The following FGD5 variants were observed in gnomAD, a reference collection of about 807,000 sequenced individuals.
FGD5 encodes the protein FYVE, RhoGEF and PH domain-containing protein 5.
A neutral mutation model predicts 133.4 loss-of-function variants in FGD5; 28 were observed. The observed-to-expected ratio is 0.21, with a 90% CI of 0.16 to 0.29. FGD5 has a LOEUF of 0.29. Ranked by LOEUF, FGD5 falls within the 10% of genes least tolerant of loss-of-function variation. The pLI, the probability that FGD5 is intolerant of heterozygous loss-of-function variation, is 1.00. For missense variants in FGD5, 1,858 were observed against 1,895.2 expected (o/e 0.98, Z 0.36); for synonymous variants, 810 against 776.5 (o/e 1.04, Z -0.72).
In FGD5 at chr3:14,924,040, T is replaced by A. The variant is rs577758400; in HGVS notation, c.3970T>A (p.Ser1324Thr). The change falls in exon 17 of 20, where the codon TCA becomes ACA. Residue 1324 changes from serine (S) to threonine (T), a missense_variant. Ser to Thr is a moderately conservative substitution (Grantham distance 58). This residue lies in a region of FGD5 where 1,824 missense variants were observed against 1,848.9 expected (regional missense o/e 0.99). Coordinates refer to ENST00000285046, the MANE Select transcript of FGD5 (RefSeq NM_152536.4). ...RPVSMSFPLS[S>T]PRFSGSAFSS... ...TGTGAGCATGAGCTTCCCGCTGTCTTCACCCCGCTTCTCGGGCAGTGCCTT... is the reference window on the plus strand; with the variant it reads ...TGTGAGCATGAGCTTCCCGCTGTCTACACCCCGCTTCTCGGGCAGTGCCTT... 1.2e-6 allele frequency: 2 copies of A among 1,613,980 alleles called. No homozygotes were observed. Among genetic ancestry groups the A allele is most frequent in the South Asian group, 2.2e-5 (2 of 91,082 alleles).
chr3:14,864,060 C>A, intron 1 of FGD5, 68 bp from the exon 2 acceptor site: 1 of 1,573,816 alleles, frequency 6.4e-7, no homozygotes, highest in South Asian at 1.1e-5. Context: ...GAATGGGACC[C>A]CTGGTAGGTT....
At chr3:14,865,871 G>A (rs940892035) in intron 2 of FGD5, among the ~76,000 whole-genome samples, 2 of 152,190 alleles carry the variant, frequency 1.3e-5, no homozygotes, top group East Asian at 1.9e-4. Flanking sequence ...TTGTCTCCTT[G>A]TGGAGAAGGG....
Position 14,820,824 on chromosome 3 carries a change from C to T in FGD5, c.1753C>T (p.Leu585=), listed in dbSNP as rs756671890. ...AAAGAGGAAAGAGGACAATCTCTCTCTGTCGTGTGTAATTGGCTCCTCTGG... is the reference window on the plus strand; with the variant it reads ...AAAGAGGAAAGAGGACAATCTCTCTTTGTCGTGTGTAATTGGCTCCTCTGG... ...RIKRKEDNLS[L]SCVIGSSGSF... is the part of the protein sequence containing the mutation. The change falls in exon 1 of 20, where the codon CTG becomes TTG. Residue 585 remains leucine (L), a synonymous_variant. Transcript: ENST00000285046. The T allele has an allele frequency of 4.3e-6, 7 of 1,613,894 alleles. No individual in the cohort carries two copies. Among genetic ancestry groups the T allele is most frequent in the Non-Finnish European group, 5.9e-6 (7 of 1,179,876 alleles).
chr3:14,856,077 A>G (rs183347376), intron 1 of FGD5, among the ~76,000 whole-genome samples: 1 of 152,216 alleles, frequency 6.6e-6, no homozygotes, highest in Admixed American at 6.5e-5. Flanking sequence ...GTAAGGATCT[A>G]GTTTCATTCC....
intron 18 of FGD5, chr3:14,930,834 T>C (rs1299402352): frequency 6.6e-6 from 1 of 152,194 alleles, no homozygotes; most frequent in Non-Finnish European, 1.5e-5. Context: ...TCTATTAATA[T>C]ATTTCTAAAT....
chr3:14,836,474 C>T (rs2125081549), intron 1 of FGD5, among the ~76,000 whole-genome samples: 1 of 152,358 alleles, frequency 6.6e-6, no homozygotes, highest in Non-Finnish European at 1.5e-5. Flanking sequence ...GGTCTCCAGA[C>T]TCCAGGAGGC....
chr3:14,857,941 A>T (rs1044987799), intron 1 of FGD5, among the ~76,000 whole-genome samples: 16 of 152,154 alleles, frequency 1.1e-4, no homozygotes, highest in South Asian at 2.1e-4. Flanking sequence ...GGAAAAAAAA[A>T]AAAGCTGAGA....
intron 1 of FGD5, among the ~76,000 whole-genome samples, chr3:14,833,248 G>A (rs1034293067): frequency 7.9e-5 from 12 of 152,064 alleles, no homozygotes; most frequent in Middle Eastern, 3.2e-3. Flanking sequence ...GTTGTTTTTC[G>A]GGATGATGTG....
At chr3:14,876,385 A>G (rs1041130334) in intron 2 of FGD5, among the ~76,000 whole-genome samples, 1 of 152,208 alleles carries the variant, frequency 6.6e-6, no homozygotes, top group Non-Finnish European at 1.5e-5. Context: ...GCCCCAAAGA[A>G]TTTTTGTTTC....
chr3:14,923,975 A>G (rs776789943), intron 16 of FGD5, 33 bp from the exon 17 acceptor site: 3 of 1,613,014 alleles, frequency 1.9e-6, no homozygotes, highest in Non-Finnish European at 2.5e-6. Flanking sequence ...CACGCCTCTC[A>G]CCTCCCTTCC....
intron 2 of FGD5, among the ~76,000 whole-genome samples, chr3:14,879,801 T>C (rs1170393160): frequency 6.6e-6 from 1 of 152,082 alleles, no homozygotes; most frequent in African/African-American, 2.4e-5. Flanking sequence ...CTGCCGTGGC[T>C]AAGTCTTATA....
At chr3:14,920,010 C>T (rs2038643594) in intron 13 of FGD5, among the ~76,000 whole-genome samples, 2 of 152,088 alleles carry the variant, frequency 1.3e-5, no homozygotes, top group Non-Finnish European at 2.9e-5. Flanking sequence ...GAAAGGTCTG[C>T]ATTTTCTCCA....
chr3:14,859,494 G>A (rs908327341), intron 1 of FGD5, among the ~76,000 whole-genome samples: 8 of 151,990 alleles, frequency 5.3e-5, no homozygotes, highest in Non-Finnish European at 7.4e-5. Flanking sequence ...GAAAGCAGAG[G>A]TTGCACTTAG....
intron 1 of FGD5, among the ~76,000 whole-genome samples, chr3:14,839,747 A>G (rs1189509133): frequency 6.6e-6 from 1 of 152,178 alleles, no homozygotes; most frequent in Non-Finnish European, 1.5e-5. Flanking sequence ...CCTGGCTAAC[A>G]TGGTGAAACC....
rs1368901720 is a variant in FGD5 at position 14,882,043 on chromosome 3, G to A, written c.2748+1271G>A. Among the ~76,000 whole-genome samples the A allele has an allele frequency of 2.0e-5, 3 of 152,308 alleles. No homozygotes were observed. In the East Asian group the frequency reaches 5.8e-4, roughly 29 times the overall value. On this transcript the variant is annotated intron_variant, in intron 4 of 19. Transcript: ENST00000285046. ...GGCGGATAGAGCACTACTCTGGTCT[G>A]GTGCTCTCGGCCCCTCATTTTTGTG...
At position 14,820,346 on chromosome 3, in the gene FGD5, A is replaced by G. The variant is rs755972584; in HGVS notation, c.1275A>G (p.Ala425=). Residue 425 remains alanine (A), a synonymous_variant, in exon 1 of 20, where the codon GCA becomes GCG. Transcript: ENST00000285046. ...TGGAGGAGGAGGCCTTGGATGATGC[A>G]CTGGCCAACCCCTATGTGATGGGAG... The part of the protein sequence containing the change: ...VVLEEEALDD[A]LANPYVMGVG... The G allele has an allele frequency of 1.4e-5, 22 of 1,612,746 alleles. No individual in the cohort carries two copies. In the South Asian group the frequency reaches 2.4e-4, roughly 18 times the overall value.
At chr3:14,904,172 G>A (rs1396966439) in intron 9 of FGD5, among the ~76,000 whole-genome samples, 1 of 152,182 alleles carries the variant, frequency 6.6e-6, no homozygotes, top group Non-Finnish European at 1.5e-5. Context: ...AAGCTGCTCT[G>A]TCTCACCCCT....
chr3:14,904,899 T>C (rs2038309280), intron 9 of FGD5, among the ~76,000 whole-genome samples: 1 of 152,202 alleles, frequency 6.6e-6, no homozygotes. Context: ...AGCAGTCCTC[T>C]TGCCTCAGCC....
intron 4 of FGD5, 86 bp from the exon 5 acceptor site, chr3:14,897,423 G>A (rs1156361349): frequency 4.0e-6 from 6 of 1,486,988 alleles, no homozygotes; most frequent in Non-Finnish European, 5.5e-6. Flanking sequence ...AGAGGCCAGG[G>A]CTCCAAAGCC....
Sources: allele counts gnomAD v4.1 joint callset (sites outside exome capture counted in the v4.1 genomes callset), GRCh38; gene constraint gnomAD v4.1.1; regional missense constraint gnomAD v4.1.1; transcripts MANE v1.5; gene names NCBI Gene and HGNC (gene_info 2026-07-23, HGNC 2026-07-21).